Variants in SREK1 observed in about 807,000 individuals in gnomAD.
SREK1 encodes splicing regulatory glutamic acid and lysine rich protein 1.
Under a neutral mutation model 66.5 loss-of-function variants are expected in SREK1, and 13 were observed. The ratio of observed to expected loss-of-function variants is 0.20; its 90% confidence interval spans 0.13 to 0.31. The LOEUF (loss-of-function observed/expected upper bound fraction) is 0.31. SREK1 is among the 10% of genes least tolerant of loss of function. SREK1 has a pLI of 1.00. For synonymous variants in SREK1, 265 were observed against 263.5 expected, an observed-to-expected ratio of 1.01 and a Z score of -0.05; for missense variants, 607 against 769.6, an observed-to-expected ratio of 0.79 and a Z score of 2.50.
Position 66,179,943 on chromosome 5 carries a change from TAG to T in SREK1, c.*1078_*1079del, listed in dbSNP as rs3833648. 2 of 152,694 alleles carry T rather than the reference TAG, an allele frequency of 1.3e-5. No homozygotes were observed. Among genetic ancestry groups the T allele is most frequent in the East Asian group, 1.9e-4 (1 of 5,186 alleles). The allele number at this position is 152,694 out of a possible 1,614,324, so 9.5% of individuals were successfully genotyped here. A position where few individuals can be genotyped will look rare whatever the true frequency, so the allele number is the denominator to read the frequency against. ...GAAGTCCTGTTTTCAAGAATGACAT[TAG>T]AGTCATGCAGCTTTGGGACCATCAG... On this transcript the variant is annotated 3_prime_UTR_variant, in exon 12 of 12. Transcript: ENST00000334121.
chr5:66,154,898 C>T (rs1215570050), intron 2 of SREK1, among the ~76,000 whole-genome samples: 1 of 152,066 alleles, frequency 6.6e-6, no homozygotes, highest in Non-Finnish European at 1.5e-5. Context: ...GTTCTACAAA[C>T]TTTGTAGTGA....
chr5:66,164,158 A>C, intron 6 of SREK1: 1 of 422,506 alleles, frequency 2.4e-6, no homozygotes, highest in Non-Finnish European at 4.1e-6. Flanking sequence ...CTGTATTTTC[A>C]TAGCAAAATC....
At chr5:66,164,139 T>C (rs978064943) in intron 6 of SREK1, 3 of 476,544 alleles carry the variant, frequency 6.3e-6, no homozygotes, top group African/African-American at 5.9e-5. Context: ...TAGTCTGAGC[T>C]AATCAGCTCT....
In SREK1 at chr5:66,178,881, T is replaced by C; in HGVS notation, c.*13T>C. 6.2e-7 allele frequency: 1 copy of C among 1,601,996 alleles called. No homozygotes were observed. The highest frequency in any genetic ancestry group is 8.5e-7 in the Non-Finnish European group (1 of 1,173,280). On this transcript the variant is annotated 3_prime_UTR_variant, in exon 12 of 12. Coordinates refer to ENST00000334121, the MANE Select transcript of SREK1 (RefSeq NM_001077199.3). ...AGAAGCAGTATAGGACCGACAAGTG[T>C]ACCTCTGCACTCAATGCTGGAATCA...
intron 7 of SREK1, 48 bp from the exon 8 acceptor site, chr5:66,170,003 A>T: frequency 7.0e-7 from 1 of 1,429,416 alleles, no homozygotes; most frequent in Non-Finnish European, 9.3e-7. Flanking sequence ...TTCTTGTTTG[A>T]AAGATCGTAA....
At chr5:66,177,914 A>G (rs1390044571) in intron 11 of SREK1, among the ~76,000 whole-genome samples, 1 of 152,092 alleles carries the variant, frequency 6.6e-6, no homozygotes, top group East Asian at 1.9e-4. Flanking sequence ...ATCAACAGTA[A>G]CAAATGTATT....
chr5:66,164,885 A>G lies in SREK1; in HGVS notation c.989A>G (p.Gln330Arg). Residue 330 changes from glutamine (Q) to arginine (R), a missense_variant, in exon 7 of 12, where the codon CAA becomes CGA. Coordinates refer to ENST00000334121, the MANE Select transcript of SREK1 (RefSeq NM_001077199.3). ...SKSHSRRKRS[Q>R]SKHRSRSHNR... ...TCCCATTCTAGAAGGAAAAGATCAC[A>G]ATCAAAACACAGGTGAGAATTTCTG... 2 of 1,613,746 alleles carry G rather than the reference A, an allele frequency of 1.2e-6. No homozygotes were observed. The highest frequency in any genetic ancestry group is 1.7e-6 in the Non-Finnish European group (2 of 1,179,672).
chr5:66,161,994 C>CT, intron 3 of SREK1, 115 bp from the exon 4 acceptor site: 1 of 1,242,222 alleles, frequency 8.1e-7, no homozygotes, highest in South Asian at 1.7e-5. Flanking sequence ...TTCGGAGTCC[C>CT]TAGTCTCCTT....
intron 7 of SREK1, chr5:66,166,844 A>C (rs1745219289): frequency 1.3e-5 from 2 of 152,182 alleles, no homozygotes; most frequent in South Asian, 4.1e-4. Flanking sequence ...ATGTAGCCTT[A>C]AGTTCAAGAA....
intron 2 of SREK1, chr5:66,158,939 C>T: frequency 7.6e-7 from 1 of 1,313,944 alleles, no homozygotes; most frequent in Non-Finnish European, 9.9e-7. Context: ...ACAGGTGACC[C>T]ATAGCTCAAA....
At chr5:66,155,465 CT>C (rs1207724021) in intron 2 of SREK1, among the ~76,000 whole-genome samples, 1 of 152,112 alleles carries the variant, frequency 6.6e-6, no homozygotes, top group Non-Finnish European at 1.5e-5. Flanking sequence ...TGATTATGCA[CT>C]ACAAGCAAAG....
rs1746527729 is a variant in SREK1 at position 66,181,908 on chromosome 5, G to GGT, written c.*3041_*3042insTG. The GGT allele has an allele frequency of 1.5e-5, 2 of 129,308 alleles. 1 individual carries two copies. The highest frequency in any genetic ancestry group is 3.3e-5 in the Non-Finnish European group (2 of 59,778). 8.0% of individuals were successfully genotyped at this position (129,308 alleles called of 1,614,324 possible). ...TGAAAAGGTTTTTTTGTCGGGGGGG[G>GGT]GGGGGTCAAGAGAATTTATTTTGTG... On this transcript the variant is annotated 3_prime_UTR_variant, in exon 12 of 12. Transcript: ENST00000334121.
intron 7 of SREK1, 151 bp from the exon 8 acceptor site, chr5:66,169,900 T>A: frequency 1.1e-5 from 6 of 530,658 alleles, no homozygotes; most frequent in South Asian, 4.9e-5. Flanking sequence ...CGGTAAAGTT[T>A]CCAGTAAATG....
chr5:66,178,792 A>C lies in SREK1; in HGVS notation c.1799A>C (p.Glu600Ala). ...GATGACAAGGATGCACCAAGGACTG[A>C]GGAAAACAAAATACAGCACAATGGG... Reference protein sequence around the residue: ...EVDDKDAPRTEENKIQHNGNC... With the variant: ...EVDDKDAPRTAENKIQHNGNC... The change falls in exon 12 of 12, where the codon GAG (glutamate) becomes GCG (alanine). Residue 600 changes from glutamate to alanine, a missense_variant. Glu to Ala is a moderately radical substitution (Grantham distance 107). Transcript: ENST00000334121. 1 of 1,612,738 alleles carries C rather than the reference A, an allele frequency of 6.2e-7. No individual in the cohort carries two copies. Among genetic ancestry groups the C allele is most frequent in the Non-Finnish European group, 8.5e-7 (1 of 1,179,040 alleles).
chr5:66,172,658 A>G (rs927528185), intron 9 of SREK1, among the ~76,000 whole-genome samples: 2 of 152,042 alleles, frequency 1.3e-5, no homozygotes, highest in African/African-American at 4.8e-5. Flanking sequence ...GGCCTCCCAA[A>G]GTGCTGGGAT....
chr5:66,164,519 T>A (rs907094179), intron 6 of SREK1: 33 of 1,295,310 alleles, frequency 2.5e-5, no homozygotes, highest in Non-Finnish European at 2.1e-6. Flanking sequence ...TCACAGGAAT[T>A]ACAGACATGT....
At chr5:66,153,312 C>A in intron 1 of SREK1, 151 bp from the exon 2 acceptor site, 1 of 949,426 alleles carries the variant, frequency 1.1e-6, no homozygotes, top group Non-Finnish European at 1.5e-6. Flanking sequence ...CTAAGTTTCA[C>A]TGTTTTATGT....
At chr5:66,169,472 C>G (rs772656557) in intron 7 of SREK1, 7 of 152,086 alleles carry the variant, frequency 4.6e-5, no homozygotes, top group South Asian at 2.1e-4. Flanking sequence ...ATGTGAAATT[C>G]AAAACACTTT....
At chr5:66,147,426 G>A (rs867732217) in intron 1 of SREK1, among the ~76,000 whole-genome samples, 2 of 152,164 alleles carry the variant, frequency 1.3e-5, no homozygotes, top group Non-Finnish European at 2.9e-5. Flanking sequence ...AGCGCAGGTT[G>A]ATGAATCTTT....
Sources: gnomAD v4.1 joint callset for allele counts (sites outside exome capture counted in the v4.1 genomes callset) on GRCh38, gnomAD v4.1.1 for gene constraint, MANE v1.5 for transcripts, NCBI Gene and HGNC (gene_info 2026-07-23, HGNC 2026-07-21) for gene names.